Variants in NEBL observed in about 807,000 individuals in gnomAD.
NEBL encodes the protein LIM and SH3 protein 2.
Under a neutral mutation model 140.2 loss-of-function variants are expected in NEBL, and 122 were observed. The observed-to-expected ratio is 0.87, with a 90% CI of 0.75 to 1.01. The LOEUF (loss-of-function observed/expected upper bound fraction) is 1.01. Among genes scored for constraint, NEBL ranks in the 50% least tolerant of loss-of-function variants. NEBL has a pLI of 0.00. For synonymous variants in NEBL, 436 were observed against 398.9 expected, an observed-to-expected ratio of 1.09 and a Z score of -1.11; for missense variants, 1,365 against 1,231.3, an observed-to-expected ratio of 1.11 and a Z score of -1.62.
intron 2 of NEBL, among the ~76,000 whole-genome samples, chr10:21,168,535 TA>T (rs927329553): frequency 3.3e-5 from 5 of 151,966 alleles, no homozygotes; most frequent in African/African-American, 9.7e-5. Flanking sequence ...TCCTGGCTTT[TA>T]AAAAAAACTG....
chr10:20,785,535 A>C lies in NEBL; in HGVS notation c.*212T>G. 1 of 604,188 alleles carries C rather than the reference A, an allele frequency of 1.7e-6. No homozygotes were observed. The highest frequency in any genetic ancestry group is 2.9e-6 in the Non-Finnish European group (1 of 344,424). 37.4% of individuals were successfully genotyped at this position (604,188 alleles called of 1,614,324 possible). A position where few individuals can be genotyped will look rare whatever the true frequency, so the allele number is the denominator to read the frequency against. On this transcript the variant is annotated 3_prime_UTR_variant, in exon 28 of 28. Transcript: ENST00000377122. Reference sequence around the variant, plus strand: ...AATTAGCAGCACCAGGTGTCCAGACACAAAGATTTTTGTTTGTAGGAATTA... The same window carrying C: ...AATTAGCAGCACCAGGTGTCCAGACCCAAAGATTTTTGTTTGTAGGAATTA...
At chr10:20,847,942 C>T (rs1564379113) in intron 11 of NEBL, among the ~76,000 whole-genome samples, 1 of 152,048 alleles carries the variant, frequency 6.6e-6, no homozygotes. Flanking sequence ...TTGCTTCAGC[C>T]CCAAAGAGCA....
At chr10:20,809,692 A>G in intron 25 of NEBL, 114 bp downstream of exon 25, 1 of 919,000 alleles carries the variant, frequency 1.1e-6, no homozygotes, top group Non-Finnish European at 1.7e-6. Flanking sequence ...TTGGTTTGCC[A>G]AATTCTCAGC....
intron 3 of NEBL, among the ~76,000 whole-genome samples, chr10:21,226,083 G>C (rs556589745): frequency 2.6e-5 from 4 of 151,722 alleles, no homozygotes; most frequent in Admixed American, 2.6e-4. Flanking sequence ...AGGGCCCAAG[G>C]GCTCTTTAGT....
intron 4 of NEBL, among the ~76,000 whole-genome samples, chr10:20,933,793 G>A (rs1348720875): frequency 6.6e-6 from 1 of 152,122 alleles, no homozygotes; most frequent in East Asian, 1.9e-4. Context: ...ACGGTTTGGT[G>A]AATTCAGATA....
At chr10:21,120,244 A>T (rs1201732058) in intron 2 of NEBL, among the ~76,000 whole-genome samples, 4 of 151,144 alleles carry the variant, frequency 2.6e-5, no homozygotes, top group Non-Finnish European at 4.4e-5. Context: ...GCATGATGGC[A>T]TGTGCCTATA....
intron 2 of NEBL, among the ~76,000 whole-genome samples, chr10:21,248,528 C>T (rs1289913622): frequency 6.6e-6 from 1 of 152,124 alleles, no homozygotes. Context: ...GAAGAACATT[C>T]GATACATGTA....
chr10:21,018,901 G>T (rs754210193), intron 3 of NEBL, among the ~76,000 whole-genome samples: 5 of 152,114 alleles, frequency 3.3e-5, no homozygotes, highest in South Asian at 2.1e-4. Flanking sequence ...GGTAGCAGGC[G>T]CCTGTAATCC....
chr10:20,970,980 G>T (rs1354651581), intron 3 of NEBL, among the ~76,000 whole-genome samples: 4 of 152,172 alleles, frequency 2.6e-5, no homozygotes, highest in Non-Finnish European at 5.9e-5. Context: ...CTTAGTATAG[G>T]ATGCCAAAAG....
At chr10:21,025,630 G>A (rs1838994108) in intron 2 of NEBL, among the ~76,000 whole-genome samples, 1 of 152,152 alleles carries the variant, frequency 6.6e-6, no homozygotes, top group African/African-American at 2.4e-5. Flanking sequence ...GAACATGACT[G>A]GGGAGAGCGA....
At chr10:21,002,113 A>G (rs1229109100) in intron 3 of NEBL, among the ~76,000 whole-genome samples, 3 of 151,986 alleles carry the variant, frequency 2.0e-5, no homozygotes, top group Non-Finnish European at 4.4e-5. Context: ...AAAAAGGAGT[A>G]GGTGCTTCTT....
At chr10:21,094,741 A>T (rs1837102010) in intron 2 of NEBL, among the ~76,000 whole-genome samples, 1 of 152,158 alleles carries the variant, frequency 6.6e-6, no homozygotes, top group Non-Finnish European at 1.5e-5. Context: ...TGGTGGCATG[A>T]ATATTACAGA....
Position 20,880,884 on chromosome 10 carries a change from A to G in NEBL, c.390T>C (p.His130=), listed in dbSNP as rs1462163062. 7 of 1,614,070 alleles carry G rather than the reference A, an allele frequency of 4.3e-6. No individual in the cohort carries two copies. The highest frequency in any genetic ancestry group is 5.9e-6 in the Non-Finnish European group (7 of 1,179,988). ...LQSEVAYKQK[H]DAAKGFSDYA... is the part of the protein sequence containing the mutation. ...AATCTGAGAATCCTTTGGCAGCATC[A>G]TGTTTCTGCTTGTAGGCCACCTGAA... The change falls in exon 5 of 28, where the codon CAT becomes CAC. Residue 130 remains histidine (H), a synonymous_variant. Coordinates refer to ENST00000377122, the MANE Select transcript of NEBL (RefSeq NM_006393.3).
intron 2 of NEBL, among the ~76,000 whole-genome samples, chr10:20,895,597 T>C (rs763080395): frequency 6.6e-6 from 1 of 152,232 alleles, no homozygotes; most frequent in African/African-American, 2.4e-5. Context: ...GTTGTTGTCA[T>C]TGTCACTTAT....
At chr10:20,893,256 T>C (rs1466209476) in intron 2 of NEBL, among the ~76,000 whole-genome samples, 1 of 152,220 alleles carries the variant, frequency 6.6e-6, no homozygotes, top group Non-Finnish European at 1.5e-5. Context: ...GGATTCTGAA[T>C]GCTCAATAGA....
intron 18 of NEBL, among the ~76,000 whole-genome samples, chr10:20,824,588 G>A (rs1839657356): frequency 6.6e-6 from 1 of 152,190 alleles, no homozygotes; most frequent in South Asian, 2.1e-4. Context: ...GACAGATCTA[G>A]CTAATCTTAA....
intron 26 of NEBL, among the ~76,000 whole-genome samples, chr10:20,790,533 G>A (rs1348156326): frequency 6.6e-6 from 1 of 151,258 alleles, no homozygotes; most frequent in Non-Finnish European, 1.5e-5. Context: ...CCCAGGAGGA[G>A]GAGGTTGCAA....
At chr10:20,803,083 AC>A (rs1040636351) in intron 26 of NEBL, among the ~76,000 whole-genome samples, 1 of 152,038 alleles carries the variant, frequency 6.6e-6, no homozygotes. Context: ...CACACACCCC[AC>A]CTCGACCACA....
At chr10:20,980,531 C>T (rs183394554) in intron 3 of NEBL, among the ~76,000 whole-genome samples, 7 of 152,270 alleles carry the variant, frequency 4.6e-5, no homozygotes, top group African/African-American at 1.4e-4. Context: ...ACATATATAG[C>T]GTGCATGGTA....
Sources: allele counts gnomAD v4.1 joint callset (sites outside exome capture counted in the v4.1 genomes callset), GRCh38; gene constraint gnomAD v4.1.1; transcripts MANE v1.5; gene names NCBI Gene and HGNC (gene_info 2026-07-23, HGNC 2026-07-21).